Variants in CENPP observed in about 807,000 individuals in gnomAD.
CENPP encodes the protein centromere protein P.
In CENPP, 24 loss-of-function variants were observed where a neutral mutation model predicts 35.6. The observed-to-expected ratio is 0.67, with a 90% CI of 0.49 to 0.95. The LOEUF is 0.95. CENPP is among the 40% of genes least tolerant of loss of function. The pLI is 0.00. For synonymous variants in CENPP, 120 were observed against 125.5 expected, an observed-to-expected ratio of 0.96 and a Z score of 0.29; for missense variants, 332 against 345.3, an observed-to-expected ratio of 0.96 and a Z score of 0.31.
At chr9:92,405,105 G>A (rs1402233581) in intron 5 of CENPP, among the ~76,000 whole-genome samples, 1 of 152,024 alleles carries the variant, frequency 6.6e-6, no homozygotes, top group Non-Finnish European at 1.5e-5. Flanking sequence ...TTACATATAA[G>A]AAAAACTGAT....
intron 5 of CENPP, among the ~76,000 whole-genome samples, chr9:92,550,564 CTT>C (rs1186964965): frequency 2.0e-5 from 3 of 150,402 alleles, no homozygotes; most frequent in East Asian, 3.9e-4. Flanking sequence ...TTTGTTTAGA[CTT>C]TGTTTGATTT....
rs1476891692 is a variant in CENPP at position 92,476,245 on chromosome 9, G to A, written c.564+96386G>A. On this transcript the variant is annotated intron_variant, in intron 5 of 7. Coordinates refer to ENST00000375587, the MANE Select transcript of CENPP (RefSeq NM_001012267.3). The surrounding 1 kb of genome is among the most constrained non-coding windows in gnomAD (Gnocchi z 4.1). ...AGTCAGCCAGGATTGGCCCAGCCTC[G>A]GGAAGACCTACCCCTCCAAATCCCA... is the stretch of plus-strand genomic sequence containing the variant. 2.6e-5 allele frequency among the ~76,000 whole-genome samples: 4 copies of A among 152,026 alleles called. No homozygotes were observed. The highest frequency in any genetic ancestry group is 5.9e-5 in the Non-Finnish European group (4 of 67,986).
chr9:92,348,187 G>A (rs550719383), intron 4 of CENPP, among the ~76,000 whole-genome samples: 2 of 148,338 alleles, frequency 1.3e-5, no homozygotes, highest in South Asian at 4.3e-4. Context: ...TTGAACTCCC[G>A]ACCTCAAATG....
chr9:92,403,240 A>G (rs982092078), intron 5 of CENPP: 1 of 1,562,492 alleles, frequency 6.4e-7, no homozygotes, highest in Non-Finnish European at 8.8e-7. Flanking sequence ...GTACCTTAAT[A>G]TTTTTTCCAT....
In CENPP at chr9:92,330,691, T is replaced by G. The variant is rs1840716125; in HGVS notation, c.108-1479T>G. 2.8e-5 allele frequency among the ~76,000 whole-genome samples: 4 copies of G among 144,118 alleles called. No homozygotes were observed. The South Asian group carries it at 8.6e-4, about 31-fold the overall frequency. The allele number at this position is 144,118 out of a possible 152,430, so 94.5% of individuals were successfully genotyped here. ...AAGTTTTTTTTTTCTTTTCTTTGTT[T>G]TTTTTTTTTTTTGTTGAGACAGAGT... On this transcript the variant is annotated intron_variant, in intron 1 of 7. Transcript: ENST00000375587.
At chr9:92,567,373 GATATATATAT>G in intron 5 of CENPP, among the ~76,000 whole-genome samples, 1 of 129,090 alleles carries the variant, frequency 7.7e-6, no homozygotes, top group Non-Finnish European at 1.6e-5. Flanking sequence ...ACATAAGATA[GATATATATAT>G]ATATATATAT....
intron 5 of CENPP, among the ~76,000 whole-genome samples, chr9:92,412,063 TTTAA>T (rs1430748372): frequency 6.6e-6 from 1 of 152,062 alleles, no homozygotes; most frequent in Non-Finnish European, 1.5e-5. Context: ...AAGTATATAA[TTTAA>T]TTAATGAATT....
At chr9:92,464,884 T>G (rs1181645279) in intron 5 of CENPP, 1 of 1,440,234 alleles carries the variant, frequency 6.9e-7, no homozygotes, top group Middle Eastern at 1.7e-4. Flanking sequence ...GTGACAACTT[T>G]AAAATACCAT....
At chr9:92,404,458 A>T in intron 5 of CENPP, 1 of 1,226,748 alleles carries the variant, frequency 8.2e-7, no homozygotes, top group Non-Finnish European at 1.1e-6. Flanking sequence ...GCACTTTAAC[A>T]AACAATATTT....
At chr9:92,447,088 T>C (rs973681612) in intron 5 of CENPP, among the ~76,000 whole-genome samples, 2 of 152,034 alleles carry the variant, frequency 1.3e-5, no homozygotes, top group African/African-American at 2.4e-5. Flanking sequence ...CTCTTTAACA[T>C]AGTGTAGCGG....
At chr9:92,372,944 G>A (rs1436493940) in intron 4 of CENPP, among the ~76,000 whole-genome samples, 1 of 151,830 alleles carries the variant, frequency 6.6e-6, no homozygotes, top group African/African-American at 2.4e-5. Flanking sequence ...CATTGCATTT[G>A]CTTTGAGGTC....
intron 5 of CENPP, among the ~76,000 whole-genome samples, chr9:92,554,168 T>A (rs1849671676): frequency 6.6e-6 from 1 of 151,082 alleles, no homozygotes; most frequent in Non-Finnish European, 1.5e-5. Flanking sequence ...AAGATTATCA[T>A]GTGATTTTTG....
At chr9:92,535,204 A>G (rs1849095369) in intron 5 of CENPP, among the ~76,000 whole-genome samples, 1 of 152,222 alleles carries the variant, frequency 6.6e-6, no homozygotes, top group African/African-American at 2.4e-5. Context: ...GTATCTAAAC[A>G]GTCTCACTAC....
chr9:92,379,833 C>T lies in CENPP; in HGVS notation c.538C>T (p.Arg180Cys), dbSNP rs745890139. ...TTTTTTTGTGGAGTGGTTTGAATATCGTAAGCGCACGTTTAAACATCTCAA... is the reference window on the plus strand; with the variant it reads ...TTTTTTTGTGGAGTGGTTTGAATATTGTAAGCGCACGTTTAAACATCTCAA... ...LHFFVEWFEY[R>C]KRTFKHLKEK... The change falls in exon 5 of 8, where the codon CGT becomes TGT. Residue 180 changes from arginine (R) to cysteine (C), a missense_variant. Transcript: ENST00000375587. 8.1e-6 allele frequency: 13 copies of T among 1,611,070 alleles called. No individual in the cohort carries two copies. The highest frequency in any genetic ancestry group is 2.7e-5 in the African/African-American group (2 of 74,802).
At chr9:92,602,681 T>C (rs1308460492) in intron 5 of CENPP, among the ~76,000 whole-genome samples, 2 of 152,030 alleles carry the variant, frequency 1.3e-5, no homozygotes, top group African/African-American at 2.4e-5. Flanking sequence ...ATCTGCTCAA[T>C]TGGGGAAAAA....
At chr9:92,573,273 G>A (rs1484554197) in intron 5 of CENPP, among the ~76,000 whole-genome samples, 1 of 152,186 alleles carries the variant, frequency 6.6e-6, no homozygotes, top group Non-Finnish European at 1.5e-5. Context: ...TACAGATGGG[G>A]TTTTGGTGTG....
chr9:92,329,663 C>A (rs1263937023), intron 1 of CENPP, among the ~76,000 whole-genome samples: 1 of 152,146 alleles, frequency 6.6e-6, no homozygotes, highest in African/African-American at 2.4e-5. Context: ...CTCAGCGACC[C>A]TCCACCAGCC....
At chr9:92,385,585 G>A in intron 5 of CENPP, 1 of 1,570,364 alleles carries the variant, frequency 6.4e-7, no homozygotes, top group Middle Eastern at 1.7e-4. Context: ...TATTAGTGTA[G>A]GTGTACTTTC....
intron 4 of CENPP, among the ~76,000 whole-genome samples, chr9:92,361,533 G>A (rs1841751506): frequency 6.6e-6 from 1 of 150,832 alleles, no homozygotes; most frequent in East Asian, 2.0e-4. Flanking sequence ...AGGCTGGAGT[G>A]CAGTGGCACA....
Sources: allele counts gnomAD v4.1 joint callset (sites outside exome capture counted in the v4.1 genomes callset), GRCh38; gene constraint gnomAD v4.1.1; non-coding constraint Gnocchi (gnomAD v3.1); transcripts MANE v1.5; gene names NCBI Gene and HGNC (gene_info 2026-07-23, HGNC 2026-07-21).